Variants in USP4 observed in about 807,000 individuals in gnomAD.
The protein encoded by USP4 is ubiquitin specific peptidase 4.
In USP4, 72 loss-of-function variants were observed where a neutral mutation model predicts 118.2. That is an observed-to-expected ratio of 0.61 (90% CI 0.50 to 0.74). The LOEUF is 0.74. Among genes scored for constraint, USP4 ranks in the 30% least tolerant of loss-of-function variants. The pLI is 0.00. For synonymous variants in USP4, 415 were observed against 440.4 expected, an observed-to-expected ratio of 0.94 and a Z score of 0.72; for missense variants, 1,037 against 1,185.7, an observed-to-expected ratio of 0.87 and a Z score of 1.84.
At position 49,277,769 on chromosome 3, in the gene USP4, A is replaced by T. The variant is rs535724348; in HGVS notation, c.*524T>A. The T allele has an allele frequency of 1.1e-5, 2 of 177,618 alleles. No individual in the cohort carries two copies. Among genetic ancestry groups the T allele is most frequent in the East Asian group, 2.9e-4 (2 of 6,964 alleles). The allele number at this position is 177,618 out of a possible 1,614,324, so 11.0% of individuals were successfully genotyped here. A position where few individuals can be genotyped will look rare whatever the true frequency, so the allele number is the denominator to read the frequency against. ...AAGCTGGAAATTACAAGATGACTCA[A>T]CGGAGAAATGGGCTTCAGTGGGTAA... is the stretch of plus-strand genomic sequence containing the variant. On this transcript the variant is annotated 3_prime_UTR_variant, in exon 22 of 22. Coordinates refer to ENST00000265560, the MANE Select transcript of USP4 (RefSeq NM_003363.4).
At chr3:49,336,681 C>A (rs1040102376) in intron 1 of USP4, among the ~76,000 whole-genome samples, 2 of 151,730 alleles carry the variant, frequency 1.3e-5, no homozygotes, top group Non-Finnish European at 2.9e-5. Context: ...TGCCACCACA[C>A]CTGGCTAATT....
chr3:49,328,773 T>C (rs1457746197), intron 2 of USP4, among the ~76,000 whole-genome samples: 1 of 151,818 alleles, frequency 6.6e-6, no homozygotes, highest in African/African-American at 2.4e-5. Flanking sequence ...GGCATAAGAA[T>C]TGCTTGAACC....
rs1264592137 is a variant in USP4 at position 49,286,082 on chromosome 3, C to T, written c.2200+16G>A. 2 of 1,613,108 alleles carry T rather than the reference C, an allele frequency of 1.2e-6. No individual in the cohort carries two copies. The highest frequency in any genetic ancestry group is 8.5e-7 in the Non-Finnish European group (1 of 1,179,186). ...GACCCTAAAGCCCAGCTTGAAAGGTCAGAAAAAGTGCTTACAGTTGAGTTT... is the reference window on the plus strand; with the variant it reads ...GACCCTAAAGCCCAGCTTGAAAGGTTAGAAAAAGTGCTTACAGTTGAGTTT... On this transcript the variant is annotated intron_variant, in intron 16 of 21. Transcript: ENST00000265560.
chr3:49,330,490 G>C (rs1441608621), intron 2 of USP4, among the ~76,000 whole-genome samples: 1 of 151,668 alleles, frequency 6.6e-6, no homozygotes, highest in African/African-American at 2.4e-5. Flanking sequence ...ACCACACCCG[G>C]TTAATTTTGT....
At chr3:49,323,336 T>C (rs1166606335) in intron 6 of USP4, among the ~76,000 whole-genome samples, 1 of 143,666 alleles carries the variant, frequency 7.0e-6, no homozygotes, top group African/African-American at 2.6e-5. Flanking sequence ...TGGAGGGCAA[T>C]GGCAGAATCA....
chr3:49,297,995 GA>G (rs1426606015), intron 12 of USP4, 31 bp from the exon 13 acceptor site: 1 of 1,456,446 alleles, frequency 6.9e-7, no homozygotes, highest in South Asian at 1.1e-5. Flanking sequence ...AAAGACCACA[GA>G]ATGGCTAAGA....
chr3:49,328,119 G>A (rs1471796308), intron 2 of USP4, among the ~76,000 whole-genome samples: 2 of 152,076 alleles, frequency 1.3e-5, no homozygotes, highest in African/African-American at 4.8e-5. Flanking sequence ...CAGCACTTTC[G>A]GAGGCTGAGG....
rs905158063 is a variant in USP4 at position 49,286,441 on chromosome 3, G to A, written c.1973-116C>T. 9 of 1,025,700 alleles carry A rather than the reference G, an allele frequency of 8.8e-6. No individual in the cohort carries two copies. In the African/African-American group the frequency reaches 1.3e-4, roughly 15 times the overall value. The allele number at this position is 1,025,700 out of a possible 1,614,324, so 63.5% of individuals were successfully genotyped here. A position where few individuals can be genotyped will look rare whatever the true frequency, so the allele number is the denominator to read the frequency against. ...CCAGATTTTGTTCTGTGTATATGAA[G>A]TTAAATCTATTCCTTTGCATTTAAC... On this transcript the variant is annotated intron_variant, in intron 15 of 21. Transcript: ENST00000265560.
At chr3:49,318,188 C>T in intron 6 of USP4, 1 of 394,004 alleles carries the variant, frequency 2.5e-6, no homozygotes, top group Non-Finnish European at 3.5e-6. Context: ...AGGATGGTCT[C>T]AAACTCCTGG....
chr3:49,322,840 G>C (rs941826477), intron 6 of USP4, among the ~76,000 whole-genome samples: 48 of 149,482 alleles, frequency 3.2e-4, no homozygotes, highest in Non-Finnish European at 2.4e-4. Flanking sequence ...CTTGGCAAGA[G>C]AGTAAGACTC....
In USP4 at chr3:49,294,144, C is replaced by G. The variant is rs1310059447; in HGVS notation, c.1883+263G>C. ...GGGATTACAGGCACCCACCAGCATG[C>G]CTGGCTAATTTTATATTTTTAGTAG... On this transcript the variant is annotated intron_variant, in intron 14 of 21. Coordinates refer to ENST00000265560, the MANE Select transcript of USP4 (RefSeq NM_003363.4). Among the ~76,000 whole-genome samples, 6 of 152,092 alleles carry G rather than the reference C, an allele frequency of 3.9e-5. No individual in the cohort carries two copies. In the East Asian group the frequency reaches 1.2e-3, roughly 29 times the overall value.
intron 9 of USP4, among the ~76,000 whole-genome samples, chr3:49,304,855 C>T (rs1373794314): frequency 1.3e-5 from 2 of 151,754 alleles, no homozygotes; most frequent in Non-Finnish European, 2.9e-5. Context: ...CCTCCACCTC[C>T]CAGGTTCAAG....
intron 13 of USP4, among the ~76,000 whole-genome samples, chr3:49,296,457 G>A (rs1477360747): frequency 2.0e-5 from 3 of 151,626 alleles, no homozygotes; most frequent in African/African-American, 4.8e-5. Context: ...AGACCATCCT[G>A]GCTAACACGG....
At chr3:49,283,502 T>A (rs2047062129) in intron 19 of USP4, among the ~76,000 whole-genome samples, 3 of 152,126 alleles carry the variant, frequency 2.0e-5, no homozygotes. Context: ...AGTTACAGTC[T>A]GTACTGTGGG....
At chr3:49,319,947 T>C (rs2047481996) in intron 6 of USP4, among the ~76,000 whole-genome samples, 1 of 152,096 alleles carries the variant, frequency 6.6e-6, no homozygotes, top group African/African-American at 2.4e-5. Context: ...AGACAAGCTC[T>C]TGCTCTGTCA....
intron 1 of USP4, among the ~76,000 whole-genome samples, chr3:49,337,843 C>G (rs1326721477): frequency 6.6e-6 from 1 of 151,070 alleles, no homozygotes; most frequent in African/African-American, 2.4e-5. Context: ...GTCAGGAGAT[C>G]GAGACCATCC....
chr3:49,326,522 G>A (rs764388762), intron 3 of USP4, among the ~76,000 whole-genome samples: 6 of 151,356 alleles, frequency 4.0e-5, no homozygotes, highest in Admixed American at 2.0e-4. Flanking sequence ...TCAGCCTCCC[G>A]AGTAGCTGGG....
intron 13 of USP4, among the ~76,000 whole-genome samples, chr3:49,295,714 G>GCGCACACACACACA (rs149459963): frequency 4.6e-4 from 68 of 148,410 alleles, no homozygotes; most frequent in African/African-American, 1.8e-3. Flanking sequence ...GCGCGCGCGC[G>GCGCACACACACACA]CACACACACA....
intron 8 of USP4, among the ~76,000 whole-genome samples, chr3:49,309,943 C>CT (rs773669515): frequency 6.7e-4 from 27 of 40,224 alleles, no homozygotes; most frequent in Admixed American, 1.4e-3. Flanking sequence ...TTTTTTTAAT[C>CT]TTTTTTTTTT....
Sources: allele counts gnomAD v4.1 joint callset (sites outside exome capture counted in the v4.1 genomes callset), GRCh38; gene constraint gnomAD v4.1.1; transcripts MANE v1.5; gene names NCBI Gene and HGNC (gene_info 2026-07-23, HGNC 2026-07-21).